The following APC variants were observed in gnomAD, a reference collection of about 807,000 sequenced individuals.
The protein encoded by APC is adenomatous polyposis coli protein.
APC carries 72 observed loss-of-function variants against 247.0 expected under a neutral mutation model. The ratio of observed to expected loss-of-function variants is 0.29; its 90% CI spans 0.24 to 0.35. The LOEUF is 0.35. APC is among the 10% of genes least tolerant of loss of function. APC has a pLI of 1.00. For synonymous variants in APC, 1,254 were observed against 1,162.5 expected (o/e 1.08, Z -1.60); for missense variants, 3,400 against 3,360.7 (o/e 1.01, Z -0.29).
intron 6 of APC, among the ~76,000 whole-genome samples, chr5:112,788,259 C>A (rs1231464902): frequency 6.6e-6 from 1 of 152,080 alleles, no homozygotes; most frequent in Non-Finnish European, 1.5e-5. Context: ...AGTATTCTGC[C>A]TTATTACTCT....
chr5:112,741,346 G>C (rs1752989992), intron 1 of APC, among the ~76,000 whole-genome samples: 1 of 152,172 alleles, frequency 6.6e-6, no homozygotes, highest in African/African-American at 2.4e-5. Context: ...TAGAGTCACA[G>C]AGAATTTTTG....
At chr5:112,757,957 C>A (rs2149750714) in intron 2 of APC, among the ~76,000 whole-genome samples, 1 of 152,134 alleles carries the variant, frequency 6.6e-6, no homozygotes, top group South Asian at 2.1e-4. Context: ...TTTAAATATA[C>A]ATATTGAAAT....
Position 112,754,824 on chromosome 5 carries a change from C to A in APC, c.-18-49C>A, listed in dbSNP as rs1257563861. On this transcript the variant is annotated intron_variant, in intron 1 of 15. Coordinates refer to ENST00000257430, the MANE Select transcript of APC (RefSeq NM_000038.6). ...TACCCCTTTCTTTAAAAACAAGCAG[C>A]CACTAAATTTTTTAGTAGTGAATTT... 2.5e-6 allele frequency: 4 copies of A among 1,579,806 alleles called. No homozygotes were observed. The East Asian group carries it at 6.7e-5, about 27-fold the overall frequency.
At chr5:112,754,835 T>G (rs1305989090) in intron 1 of APC, 38 bp from the exon 2 acceptor site, 1 of 1,607,012 alleles carries the variant, frequency 6.2e-7, no homozygotes, top group Non-Finnish European at 8.5e-7. Flanking sequence ...CACTAAATTT[T>G]TTAGTAGTGA....
chr5:112,736,523 T>G (rs1752395125), upstream of APC, among the ~76,000 whole-genome samples: 1 of 152,228 alleles, frequency 6.6e-6, no homozygotes, highest in Non-Finnish European at 1.5e-5. Context: ...TATACATTTT[T>G]TAATCAAATG....
chr5:112,723,293 C>G (rs745669850), intron 1 of APC, among the ~76,000 whole-genome samples: 3 of 152,034 alleles, frequency 2.0e-5, no homozygotes, highest in East Asian at 1.9e-4. Flanking sequence ...GAGGCCCTGC[C>G]TCTACAAAAA....
At chr5:112,822,447 G>T (rs941006912) in intron 11 of APC, among the ~76,000 whole-genome samples, 5 of 152,114 alleles carry the variant, frequency 3.3e-5, no homozygotes, top group African/African-American at 1.2e-4. Flanking sequence ...GTACTTTACA[G>T]GATTTTCATC....
At chr5:112,761,353 A>G (rs1047735678) in intron 2 of APC, among the ~76,000 whole-genome samples, 10 of 152,350 alleles carry the variant, frequency 6.6e-5, no homozygotes, top group South Asian at 2.1e-4. Flanking sequence ...TTAGTAGTCA[A>G]GGATTTTAAC....
intron 14 of APC, among the ~76,000 whole-genome samples, chr5:112,834,039 C>T (rs1356161633): frequency 2.0e-5 from 3 of 151,778 alleles, no homozygotes; most frequent in Non-Finnish European, 4.4e-5. Context: ...GCAGCCTTGA[C>T]CTCCCAGGCG....
At chr5:112,780,213 A>G (rs1758170906) in intron 5 of APC, among the ~76,000 whole-genome samples, 1 of 152,080 alleles carries the variant, frequency 6.6e-6, no homozygotes, top group African/African-American at 2.4e-5. Flanking sequence ...TTACTTTTGA[A>G]TTTTTACCAA....
chr5:112,755,079 C>T lies in APC; in HGVS notation c.135+54C>T, dbSNP rs1581122389. ...TTTATCCATTTTTATTCAGTATTCC[C>T]TCTTGTAAACTTGAGGTAAGACACT... On this transcript the variant is annotated intron_variant, in intron 2 of 15. Coordinates refer to ENST00000257430, the MANE Select transcript of APC (RefSeq NM_000038.6). 9 of 1,607,608 alleles carry T rather than the reference C, an allele frequency of 5.6e-6. No homozygotes were observed. The East Asian group carries it at 2.0e-4, about 36-fold the overall frequency.
chr5:112,808,599 G>A (rs1761662963), intron 8 of APC, among the ~76,000 whole-genome samples: 1 of 151,998 alleles, frequency 6.6e-6, no homozygotes, highest in Admixed American at 6.6e-5. Context: ...CATGCCCTAG[G>A]CCTCCCTCTG....
chr5:112,741,182 C>T (rs9686520), intron 1 of APC, among the ~76,000 whole-genome samples: 4,082 of 152,210 alleles, frequency 0.027, 212 homozygotes, highest in African/African-American at 0.093. Context: ...TCTAAGAAAA[C>T]TCATGGTAGA....
chr5:112,823,815 C>G (rs1319035907), intron 11 of APC, among the ~76,000 whole-genome samples: 1 of 152,098 alleles, frequency 6.6e-6, no homozygotes, highest in Non-Finnish European at 1.5e-5. Context: ...CACAAAATAC[C>G]TAAATCATAA....
chr5:112,816,644 T>C (rs1762539251), intron 9 of APC, among the ~76,000 whole-genome samples: 1 of 151,428 alleles, frequency 6.6e-6, no homozygotes, highest in South Asian at 2.1e-4. Context: ...AAATACAAAA[T>C]TAGCCAGGCA....
Position 112,843,755 on chromosome 5 carries a change from C to T in APC, c.8161C>T (p.Arg2721Cys), listed in dbSNP as rs587782312. 8 of 1,613,876 alleles carry T rather than the reference C, an allele frequency of 5.0e-6. No homozygotes were observed. Among genetic ancestry groups the T allele is most frequent in the Middle Eastern group, 1.6e-4 (1 of 6,084 alleles). ...VPMRTVGLEN[R>C]LNSFIQVDAP... is the part of the protein sequence containing the mutation. ...CATGCGTACCGTGGGTTTGGAAAAT[C>T]GCCTGAACTCCTTTATTCAGGTGGA... is the stretch of plus-strand genomic sequence containing the variant. The change falls in exon 16 of 16, where the codon CGC becomes TGC. Residue 2721 changes from arginine (R) to cysteine (C), a missense_variant. By Grantham distance (180) the Arg-to-Cys change is radical. Transcript: ENST00000257430. This position sits in a 1 kb window ranked among gnomAD's most constrained non-coding sequence, Gnocchi z 4.8.
At chr5:112,727,470 G>A (rs771838009) in intron 1 of APC, among the ~76,000 whole-genome samples, 5 of 152,134 alleles carry the variant, frequency 3.3e-5, no homozygotes, top group Non-Finnish European at 5.9e-5. Context: ...TTGGTTTCAA[G>A]TTCTAAATGC....
At chr5:112,812,391 G>T (rs1762075542) in intron 8 of APC, among the ~76,000 whole-genome samples, 1 of 152,182 alleles carries the variant, frequency 6.6e-6, no homozygotes, top group Non-Finnish European at 1.5e-5. Context: ...TCCTTAGCCT[G>T]AGTCTCAGTC....
intron 15 of APC, 130 bp from the exon 16 acceptor site, chr5:112,837,423 A>T: frequency 1.5e-6 from 1 of 659,014 alleles, no homozygotes; most frequent in Non-Finnish European, 2.6e-6. Flanking sequence ...ACAAAAGGAG[A>T]TGTGGAATAC....
Sources: gnomAD v4.1 joint callset for allele counts (sites outside exome capture counted in the v4.1 genomes callset) on GRCh38, gnomAD v4.1.1 for gene constraint, Gnocchi (gnomAD v3.1) non-coding constraint, MANE v1.5 for transcripts, NCBI Gene and HGNC (gene_info 2026-07-23, HGNC 2026-07-21) for gene names.